BPIFA2: variants seen among roughly 807,000 people sequenced by gnomAD.
BPIFA2 encodes BPI fold containing family A member 2, also known as BPI fold-containing family A member 2.
Under a neutral mutation model 25.7 loss-of-function variants are expected in BPIFA2, and 20 were observed. The ratio of observed to expected loss-of-function variants is 0.78; its 90% CI spans 0.55 to 1.13. The LOEUF is 1.13. BPIFA2 is among the 50% of genes most tolerant of loss of function. BPIFA2 has a pLI of 0.00. For synonymous variants in BPIFA2, 126 were observed against 124.3 expected, an observed-to-expected ratio of 1.01 and a Z score of -0.09; for missense variants, 300 against 298.1, an observed-to-expected ratio of 1.01 and a Z score of -0.05.
chr20:33,164,303 C>A (rs1240691138), upstream of BPIFA2, among the ~76,000 whole-genome samples: 2 of 152,154 alleles, frequency 1.3e-5, no homozygotes, highest in African/African-American at 4.8e-5. Context: ...ATTGAGGGGC[C>A]AAATTCCAGG....
intron 1 of BPIFA2, 116 bp from the exon 2 acceptor site, chr20:33,169,015 G>A (rs541578903): frequency 1.0e-6 from 1 of 990,586 alleles, no homozygotes; most frequent in African/African-American, 1.6e-5. Context: ...TTGTAAAATA[G>A]GAAATAACCA....
chr20:33,162,049 T>C (rs907147378), intron 1 of BPIFA2, among the ~76,000 whole-genome samples: 2 of 152,236 alleles, frequency 1.3e-5, no homozygotes, highest in African/African-American at 4.8e-5. Flanking sequence ...GGTGAGATCT[T>C]GGCTCACTTC....
intron 7 of BPIFA2, 117 bp from the exon 8 acceptor site, chr20:33,180,403 T>C (rs1366438722): frequency 9.0e-7 from 1 of 1,108,582 alleles, no homozygotes; most frequent in Non-Finnish European, 1.4e-6. Flanking sequence ...TGGAGCAACA[T>C]CCCTGGGGTC....
chr20:33,180,433 G>T, intron 7 of BPIFA2, 87 bp from the exon 8 acceptor site: 1 of 1,446,606 alleles, frequency 6.9e-7, no homozygotes. Context: ...TCAGGTTACC[G>T]GCTGGAGAGC....
In BPIFA2 at chr20:33,172,992, TGGCCAAGCAGAA is replaced by T. The variant is rs757328608; in HGVS notation, c.223_234del (p.Lys75_Ala78del). 2.5e-6 allele frequency: 4 copies of T among 1,614,068 alleles called. No homozygotes were observed. The highest frequency in any genetic ancestry group is 2.5e-6 in the Non-Finnish European group (3 of 1,180,000). On this transcript the variant is annotated inframe_deletion, in exon 3 of 9. Coordinates refer to ENST00000354932, the MANE Select transcript of BPIFA2 (RefSeq NM_080574.4). ...CTTCAGAAATCCAGTGCTTGGCAAC[TGGCCAAGCAGAA>T]GGCCCAGGAAGCTGAGAAATTGCTG...
chr20:33,180,618 C>T, intron 8 of BPIFA2, 21 bp downstream of exon 8: 1 of 1,546,072 alleles, frequency 6.5e-7, no homozygotes, highest in Non-Finnish European at 8.9e-7. Context: ...AGTCTCTGTG[C>T]CCCAATGCAC....
rs975735598 is a variant in BPIFA2, at chr20:33,181,284, A to ACCACC, written c.*99_*103dup. 2.6e-5 allele frequency: 4 copies of ACCACC among 152,366 alleles called. No individual in the cohort carries two copies. The highest frequency in any genetic ancestry group is 9.7e-5 in the African/African-American group (4 of 41,374). 9.4% of individuals were successfully genotyped at this position (152,366 alleles called of 1,614,324 possible). The stretch of plus-strand genomic sequence containing the variant: ...CATCTCCCTCCAGGAAGCTGCTGCC[A>ACCACC]CCACCTAACCAGCGTGAAAGCCTGA... On this transcript the variant is annotated 3_prime_UTR_variant, in exon 9 of 9. Transcript: ENST00000354932.
chr20:33,178,149 A>G lies in BPIFA2; in HGVS notation c.566A>G (p.His189Arg). ...TSISLSLLDK[H>R]SQIINKFVNS... ...TAATAGTTCCCTGTGTTTTCCAGACACAGCCAAATCATCAACAAGTTCGTG... is the reference window on the plus strand; with the variant it reads ...TAATAGTTCCCTGTGTTTTCCAGACGCAGCCAAATCATCAACAAGTTCGTG... The change falls in exon 6 of 9, where the codon CAC becomes CGC. Residue 189 changes from histidine (H) to arginine (R), a missense_variant and splice_region_variant. Coordinates refer to ENST00000354932, the MANE Select transcript of BPIFA2 (RefSeq NM_080574.4). The G allele has an allele frequency of 6.2e-7, 1 of 1,600,262 alleles. No individual in the cohort carries two copies. The highest frequency in any genetic ancestry group is 1.1e-5 in the South Asian group (1 of 89,848).
chr20:33,168,138 GCCA>G (rs11470590), upstream of BPIFA2: 43,034 of 151,880 alleles, frequency 0.28, 6,582 homozygotes, highest in East Asian at 0.38. Flanking sequence ...TATAATAGCC[GCCA>G]CCATTCAGCA....
intron 3 of BPIFA2, among the ~76,000 whole-genome samples, chr20:33,173,581 C>T (rs1983974773): frequency 6.6e-6 from 1 of 152,192 alleles, no homozygotes; most frequent in Admixed American, 6.5e-5. Flanking sequence ...TCTTGGCTCA[C>T]TACAGCCTCG....
At chr20:33,180,697 A>T in intron 8 of BPIFA2, 100 bp downstream of exon 8, 1 of 948,736 alleles carries the variant, frequency 1.1e-6, no homozygotes, top group Non-Finnish European at 1.6e-6. Flanking sequence ...CTGTGCCTTC[A>T]TCTCAGTCAT....
chr20:33,175,910 C>T (rs1984061350), intron 5 of BPIFA2, among the ~76,000 whole-genome samples: 1 of 152,158 alleles, frequency 6.6e-6, no homozygotes, highest in African/African-American at 2.4e-5. Context: ...AGCTCCCCAC[C>T]ATAATCATGG....
chr20:33,175,854 G>A (rs1309271351), intron 5 of BPIFA2, among the ~76,000 whole-genome samples: 2 of 151,996 alleles, frequency 1.3e-5, no homozygotes, highest in Non-Finnish European at 2.9e-5. Context: ...GGAACATGCT[G>A]CCTCTCTGCC....
rs1033417976 is a variant in BPIFA2 at position 33,179,791 on chromosome 20, A to G, written c.709+124A>G. 3 of 995,360 alleles carry G rather than the reference A, an allele frequency of 3.0e-6. No homozygotes were observed. The Admixed American group carries it at 5.5e-5, about 18-fold the overall frequency. 61.7% of individuals were successfully genotyped at this position (995,360 alleles called of 1,614,324 possible). ...GACCCACTGTCCTAAGCAAATTGGG[A>G]GCCATGGCTTCCCCTCCACAGGCAC... On this transcript the variant is annotated intron_variant, in intron 7 of 8. Transcript: ENST00000354932.
Position 33,172,303 on chromosome 20 carries a change from C to T in BPIFA2, c.158-629C>T, listed in dbSNP as rs950281754. ...ACCTAATGCAGGTGGGGCTTAAAAC[C>T]TAGATGACGGGTTGATAGGTGCGGC... On this transcript the variant is annotated intron_variant, in intron 2 of 8. Coordinates refer to ENST00000354932, the MANE Select transcript of BPIFA2 (RefSeq NM_080574.4). Among the ~76,000 whole-genome samples the T allele has an allele frequency of 2.6e-5, 4 of 152,220 alleles. No individual in the cohort carries two copies. In the South Asian group the frequency reaches 6.2e-4, roughly 24 times the overall value.
At chr20:33,179,741 T>G (rs1984209886) in intron 7 of BPIFA2, 74 bp downstream of exon 7, 3 of 1,437,130 alleles carry the variant, frequency 2.1e-6, no homozygotes, top group Non-Finnish European at 2.9e-6. Context: ...GCAGTTCTGG[T>G]CAGGGGACCC....
chr20:33,163,694 T>C (rs1018248112), upstream of BPIFA2, among the ~76,000 whole-genome samples: 1 of 152,080 alleles, frequency 6.6e-6, no homozygotes, highest in Admixed American at 6.5e-5. Flanking sequence ...TGGTGGTGCA[T>C]GCTTGTAATC....
At chr20:33,169,992 G>A (rs1310616896) in intron 2 of BPIFA2, among the ~76,000 whole-genome samples, 1 of 152,122 alleles carries the variant, frequency 6.6e-6, no homozygotes, top group Non-Finnish European at 1.5e-5. Context: ...AACATTAGCA[G>A]CACATCAAAA....
chr20:33,162,916 T>G (rs1445134765), intron 1 of BPIFA2, among the ~76,000 whole-genome samples: 2 of 152,224 alleles, frequency 1.3e-5, no homozygotes, highest in Non-Finnish European at 2.9e-5. Context: ...AGGAAGGACC[T>G]TCACCAGGGC....
Sources: gnomAD v4.1 joint callset for allele counts (sites outside exome capture counted in the v4.1 genomes callset) on GRCh38, gnomAD v4.1.1 for gene constraint, MANE v1.5 for transcripts, NCBI Gene and HGNC (gene_info 2026-07-23, HGNC 2026-07-21) for gene names.